Variants in RADIL observed in about 807,000 individuals in gnomAD.
The protein encoded by RADIL is Rap associating with DIL domain.
Under a neutral mutation model 97.6 loss-of-function variants are expected in RADIL, and 99 were observed. The ratio of observed to expected loss-of-function variants is 1.01; its 90% CI spans 0.86 to 1.20. The LOEUF (loss-of-function observed/expected upper bound fraction) is 1.20. Among genes scored for constraint, RADIL ranks in the 50% most tolerant of loss-of-function variants. The pLI is 0.00. For missense variants in RADIL, 1,765 were observed against 1,498.9 expected (o/e 1.18, Z -2.93); for synonymous variants, 803 against 691.8 (o/e 1.16, Z -2.52).
chr7:4,803,451 G>A (rs1180505388), intron 11 of RADIL, 95 bp downstream of exon 11: 2 of 1,107,132 alleles, frequency 1.8e-6, no homozygotes, highest in Non-Finnish European at 1.2e-6. Context: ...CGCTGGCTGG[G>A]TGGCCCCCTC....
Position 4,799,358 on chromosome 7 carries a change from G to T in RADIL, c.*20C>A. ...GGTGGGACCGGGTGCCGGGCCTGTG[G>T]GGGTGTCCTCGCAGCCCCCCTAGAG... On this transcript the variant is annotated 3_prime_UTR_variant, in exon 15 of 15. Transcript: ENST00000399583. The T allele has an allele frequency of 6.2e-7, 1 of 1,611,080 alleles. No individual in the cohort carries two copies. Among genetic ancestry groups the T allele is most frequent in the Non-Finnish European group, 8.5e-7 (1 of 1,177,840 alleles).
rs1381401942 is a variant in RADIL, at chr7:4,835,863, G to A, written c.783+495C>T. On this transcript the variant is annotated intron_variant, in intron 3 of 14. Coordinates refer to ENST00000399583, the MANE Select transcript of RADIL (RefSeq NM_018059.5). The surrounding 1 kb of genome is among the most constrained non-coding windows in gnomAD (Gnocchi z 5.8). The stretch of plus-strand genomic sequence containing the variant: ...GGCCCTGCGCCTGGCATTTGCTCGG[G>A]GCGACAGCCTGCCTGCTCTGATGGA... Among the ~76,000 whole-genome samples the A allele has an allele frequency of 2.6e-5, 4 of 152,356 alleles. No homozygotes were observed. Among genetic ancestry groups the A allele is most frequent in the African/African-American group, 9.6e-5 (4 of 41,594 alleles).
intron 2 of RADIL, among the ~76,000 whole-genome samples, chr7:4,838,973 A>G (rs1318304423): frequency 6.6e-6 from 1 of 152,230 alleles, no homozygotes; most frequent in Non-Finnish European, 1.5e-5. Flanking sequence ...GCACACGTAC[A>G]TTCAGCACCG....
chr7:4,861,834 G>GCCCGTCCCCCACCACCGCGACCTT (rs1554264941), intron 2 of RADIL: 1 of 1,268,420 alleles, frequency 7.9e-7, no homozygotes, highest in Non-Finnish European at 1.0e-6. Flanking sequence ...CCCCGCCAGG[G>GCCCGTCCCCCACCACCGCGACCTT]CACGTCCCCC....
chr7:4,815,152 C>A lies in RADIL; in HGVS notation c.2139+126G>T. The A allele has an allele frequency of 8.4e-7, 1 of 1,195,236 alleles. No homozygotes were observed. The highest frequency in any genetic ancestry group is 1.1e-6 in the Non-Finnish European group (1 of 882,340). The allele number at this position is 1,195,236 out of a possible 1,614,324, so 74.0% of individuals were successfully genotyped here. On this transcript the variant is annotated intron_variant, in intron 9 of 14. Transcript: ENST00000399583. This position sits in a 1 kb window ranked among gnomAD's most constrained non-coding sequence, Gnocchi z 8.0. ...TGGAAGCAACTTTTCTGATTACCTA[C>A]GGTAGCTTTGAGGTTTCCAGCCAAG...
chr7:4,829,914 G>A (rs913043579), intron 5 of RADIL, among the ~76,000 whole-genome samples: 8 of 152,110 alleles, frequency 5.3e-5, no homozygotes, highest in Non-Finnish European at 8.8e-5. Flanking sequence ...TATTAGCAGC[G>A]TGAGAACAGA....
chr7:4,882,304 G>C lies in RADIL; in HGVS notation c.-65+1292C>G, dbSNP rs563836063. On this transcript the variant is annotated intron_variant, in intron 1 of 14. Coordinates refer to ENST00000399583, the MANE Select transcript of RADIL (RefSeq NM_018059.5). ...GAGTGCAGGAAAATCCGACCGGGCG[G>C]AGCACGCCCTGGGTAACAAGATCTG... 4 of 152,378 alleles carry C rather than the reference G, an allele frequency of 2.6e-5. No individual in the cohort carries two copies. In the South Asian group the frequency reaches 8.3e-4, roughly 32 times the overall value. 9.4% of individuals were successfully genotyped at this position (152,378 alleles called of 1,614,324 possible). A position where few individuals can be genotyped will look rare whatever the true frequency, so the allele number is the denominator to read the frequency against.
chr7:4,863,311 TAAAC>T (rs538157207), intron 2 of RADIL, among the ~76,000 whole-genome samples: 2 of 152,366 alleles, frequency 1.3e-5, no homozygotes, highest in African/African-American at 4.8e-5. Context: ...TTAAACGTGT[TAAAC>T]ATACTTATTT....
At chr7:4,874,301 G>A (rs531290645) in intron 2 of RADIL, among the ~76,000 whole-genome samples, 3 of 152,376 alleles carry the variant, frequency 2.0e-5, no homozygotes, top group East Asian at 1.9e-4. Flanking sequence ...CCTGTTTGAG[G>A]CAGGGCTGTC....
chr7:4,808,365 A>G (rs1394488529), intron 9 of RADIL, among the ~76,000 whole-genome samples: 2 of 151,736 alleles, frequency 1.3e-5, no homozygotes, highest in South Asian at 4.2e-4. Flanking sequence ...TTATTATTTT[A>G]TGGATACTAT....
At chr7:4,875,837 T>C (rs1273925047) in intron 2 of RADIL, among the ~76,000 whole-genome samples, 1 of 152,042 alleles carries the variant, frequency 6.6e-6, no homozygotes, top group Non-Finnish European at 1.5e-5. Context: ...CACCGGTCCT[T>C]CCAAGGGACC....
chr7:4,821,590 C>T lies in RADIL; in HGVS notation c.1615+804G>A, dbSNP rs962523212. 1.3e-5 allele frequency among the ~76,000 whole-genome samples: 2 copies of T among 152,176 alleles called. No individual in the cohort carries two copies. Among genetic ancestry groups the T allele is most frequent in the South Asian group, 4.1e-4 (2 of 4,826 alleles). On this transcript the variant is annotated intron_variant, in intron 6 of 14. Coordinates refer to ENST00000399583, the MANE Select transcript of RADIL (RefSeq NM_018059.5). The surrounding 1 kb of genome is among the most constrained non-coding windows in gnomAD (Gnocchi z 5.2). ...CAGAAATCCTGAAATGGTGGCCAGG[C>T]ACGGTGGCTCATGCCTGTAATCCCA...
At chr7:4,869,810 C>T (rs1334286218) in intron 2 of RADIL, among the ~76,000 whole-genome samples, 1 of 152,132 alleles carries the variant, frequency 6.6e-6, no homozygotes, top group Non-Finnish European at 1.5e-5. Context: ...CTATCATAGG[C>T]ATTCGAGAAT....
rs1783825574 is a variant in RADIL, at chr7:4,856,166, C to G, written c.536-19561G>C. On this transcript the variant is annotated intron_variant, in intron 2 of 14. Transcript: ENST00000399583. ...AGGCTGGAGCGCAGTGGCTTGATCTCAGCTCACTGCAACCTTCACCTCCTG... is the reference window on the plus strand; with the variant it reads ...AGGCTGGAGCGCAGTGGCTTGATCTGAGCTCACTGCAACCTTCACCTCCTG... Among the ~76,000 whole-genome samples, 7 of 151,640 alleles carry G rather than the reference C, an allele frequency of 4.6e-5. No individual in the cohort carries two copies. The South Asian group carries it at 1.5e-3, about 31-fold the overall frequency.
chr7:4,800,576 G>A (rs557432522), intron 12 of RADIL, among the ~76,000 whole-genome samples: 53 of 152,194 alleles, frequency 3.5e-4, no homozygotes, highest in African/African-American at 1.1e-3. Flanking sequence ...CTCTGGGGGC[G>A]GCTGTTTTCC....
At chr7:4,816,200 A>C (rs1358611294) in intron 8 of RADIL, 28 bp downstream of exon 8, 1 of 1,582,322 alleles carries the variant, frequency 6.3e-7, no homozygotes, top group Non-Finnish European at 8.7e-7. Flanking sequence ...TGAGCCCCCG[A>C]CCCCTCAACC....
rs1042758370 is a variant in RADIL, at chr7:4,819,025, C to G, written c.1616-1674G>C. On this transcript the variant is annotated intron_variant, in intron 6 of 14. Coordinates refer to ENST00000399583, the MANE Select transcript of RADIL (RefSeq NM_018059.5). This position sits in a 1 kb window ranked among gnomAD's most constrained non-coding sequence, Gnocchi z 5.8. ...CCAAAGTGCTGGGATTACAGGCATG[C>G]ACCCCTGCACCCGGCCCTGAGACTC... Among the ~76,000 whole-genome samples, 1 of 151,384 alleles carries G rather than the reference C, an allele frequency of 6.6e-6. No homozygotes were observed. Among genetic ancestry groups the G allele is most frequent in the Non-Finnish European group, 1.5e-5 (1 of 67,846 alleles).
intron 2 of RADIL, among the ~76,000 whole-genome samples, chr7:4,856,356 C>T (rs1235405125): frequency 2.0e-5 from 3 of 152,178 alleles, no homozygotes; most frequent in Non-Finnish European, 2.9e-5. Flanking sequence ...GCGATCCACC[C>T]GCCTCGACCT....
At chr7:4,861,584 C>G in intron 2 of RADIL, 1 of 1,613,446 alleles carries the variant, frequency 6.2e-7, no homozygotes, top group South Asian at 1.1e-5. Flanking sequence ...TTCGCGTATC[C>G]ATTCCTTTAC....
Sources: gnomAD v4.1 joint callset for allele counts (sites outside exome capture counted in the v4.1 genomes callset) on GRCh38, gnomAD v4.1.1 for gene constraint, Gnocchi (gnomAD v3.1) non-coding constraint, MANE v1.5 for transcripts, NCBI Gene and HGNC (gene_info 2026-07-23, HGNC 2026-07-21) for gene names.